PSD2: variants seen among roughly 807,000 people sequenced by gnomAD.
PSD2 encodes PH and SEC7 domain-containing protein 2.
A neutral mutation model predicts 69.8 loss-of-function variants in PSD2; 38 were observed. The observed-to-expected ratio is 0.54, with a 90% CI of 0.42 to 0.71. PSD2 has a LOEUF of 0.71. PSD2 is among the 30% of genes least tolerant of loss of function. The pLI, the probability that PSD2 is intolerant of heterozygous loss-of-function variation, is 0.00. For synonymous variants in PSD2, 412 were observed against 423.0 expected (o/e 0.97, Z 0.32); for missense variants, 943 against 1,014.5 (o/e 0.93, Z 0.96).
At chr5:139,781,337 T>TC in the PSD2 span, among the ~76,000 whole-genome samples, 2 of 151,134 alleles carry the variant, frequency 1.3e-5, no homozygotes, top group Admixed American at 6.6e-5. Flanking sequence ...CATATCTCTC[T>TC]CTTTTTTTTT....
the PSD2 span, among the ~76,000 whole-genome samples, chr5:139,752,771 C>A: frequency 6.6e-6 from 1 of 152,346 alleles, no homozygotes; most frequent in African/African-American, 2.4e-5. Flanking sequence ...CCCCCAGCCC[C>A]CCTCAGAGAG....
At chr5:139,825,283 CA>C (rs1760387899) in intron 7 of PSD2, among the ~76,000 whole-genome samples, 1 of 152,222 alleles carries the variant, frequency 6.6e-6, no homozygotes, top group Admixed American at 6.5e-5. Flanking sequence ...GATCTAGGAC[CA>C]CGCATTTCAG....
At chr5:139,802,486 G>T (rs1017513050) in intron 1 of PSD2, among the ~76,000 whole-genome samples, 4 of 151,426 alleles carry the variant, frequency 2.6e-5, no homozygotes, top group African/African-American at 9.7e-5. Context: ...CAACCCACAG[G>T]CTCATGTTAG....
intron 1 of PSD2, among the ~76,000 whole-genome samples, chr5:139,798,788 A>G (rs980821972): frequency 6.6e-6 from 1 of 152,228 alleles, no homozygotes; most frequent in African/African-American, 2.4e-5. Flanking sequence ...CATTGTTATC[A>G]TACCCAAGAA....
chr5:139,783,880 C>T, the PSD2 span, among the ~76,000 whole-genome samples: 2 of 150,476 alleles, frequency 1.3e-5, no homozygotes, highest in African/African-American at 4.9e-5. Context: ...CCTCTCTGCA[C>T]AGATGCTTTT....
At chr5:139,756,210 G>A in the PSD2 span, among the ~76,000 whole-genome samples, 1 of 152,158 alleles carries the variant, frequency 6.6e-6, no homozygotes, top group African/African-American at 2.4e-5. Context: ...CATTAACAAC[G>A]GCTCGGACTG....
Position 139,837,411 on chromosome 5 carries a change from C to T in PSD2, c.1665+173C>T, listed in dbSNP as rs558670414. On this transcript the variant is annotated intron_variant, in intron 11 of 14. Coordinates refer to ENST00000274710, the MANE Select transcript of PSD2 (RefSeq NM_032289.4). This position sits in a 1 kb window ranked among gnomAD's most constrained non-coding sequence, Gnocchi z 5.0. The stretch of plus-strand genomic sequence containing the variant: ...TGGAGGTTTTTGGGAGAACTTGGTG[C>T]CCAGTGGCTCAGTGGACTCTCAGCA... Among the ~76,000 whole-genome samples the T allele has an allele frequency of 9.4e-4, 143 of 152,248 alleles. No homozygotes were observed. The highest frequency in any genetic ancestry group is 6.8e-3 in the Middle Eastern group (2 of 294).
At chr5:139,750,146 A>C in the PSD2 span, among the ~76,000 whole-genome samples, 2 of 152,146 alleles carry the variant, frequency 1.3e-5, no homozygotes, top group African/African-American at 2.4e-5. Context: ...TAACACGGTG[A>C]AACCCCGTCT....
In PSD2 at chr5:139,837,589, T is replaced by A. The variant is rs759120916; in HGVS notation, c.1666-36T>A. On this transcript the variant is annotated intron_variant, in intron 11 of 14. Coordinates refer to ENST00000274710, the MANE Select transcript of PSD2 (RefSeq NM_032289.4). This position sits in a 1 kb window ranked among gnomAD's most constrained non-coding sequence, Gnocchi z 5.0. ...GGGAGGGGAGAGTGGAAGGTGTGGG[T>A]CAGTGACCCTAGCTCGCCCATCCTG... The A allele has an allele frequency of 7.7e-6, 12 of 1,565,128 alleles. No individual in the cohort carries two copies. In the East Asian group the frequency reaches 1.6e-4, roughly 21 times the overall value.
At chr5:139,779,964 T>C in the PSD2 span, among the ~76,000 whole-genome samples, 425 of 152,354 alleles carry the variant, frequency 2.8e-3, 4 homozygotes, top group African/African-American at 9.9e-3. Flanking sequence ...TTTGGAACCA[T>C]TGTAAACAAA....
chr5:139,834,994 T>C (rs1760681982), intron 8 of PSD2, among the ~76,000 whole-genome samples: 1 of 148,900 alleles, frequency 6.7e-6, no homozygotes, highest in African/African-American at 2.5e-5. Context: ...TAGCAACCAC[T>C]CACCCATTCA....
At chr5:139,800,697 C>T (rs946196625) in intron 1 of PSD2, among the ~76,000 whole-genome samples, 13 of 152,168 alleles carry the variant, frequency 8.5e-5, no homozygotes, top group Admixed American at 6.5e-5. Context: ...CACTGTCTGC[C>T]AGCGTCTGCA....
the PSD2 span, among the ~76,000 whole-genome samples, chr5:139,750,576 G>T: frequency 6.6e-6 from 1 of 152,198 alleles, no homozygotes; most frequent in Non-Finnish European, 1.5e-5. Flanking sequence ...TGTGGGGCCT[G>T]CAGAAAAGGC....
At chr5:139,809,924 G>A in intron 2 of PSD2, 113 bp downstream of exon 2, 1 of 1,184,454 alleles carries the variant, frequency 8.4e-7, no homozygotes, top group South Asian at 1.4e-5. Context: ...ACATAAAATG[G>A]GGATTTCATA....
chr5:139,750,757 T>C, the PSD2 span, among the ~76,000 whole-genome samples: 2 of 152,078 alleles, frequency 1.3e-5, no homozygotes, highest in African/African-American at 4.8e-5. Context: ...GAGGAACCCT[T>C]GTGGGGCCTG....
the PSD2 span, among the ~76,000 whole-genome samples, chr5:139,743,032 G>C: frequency 1.3e-5 from 2 of 152,214 alleles, no homozygotes; most frequent in Admixed American, 1.3e-4. Flanking sequence ...TCAGAACACT[G>C]TCAGATTATT....
intron 4 of PSD2, among the ~76,000 whole-genome samples, chr5:139,816,237 C>T (rs1760120417): frequency 6.6e-6 from 1 of 152,004 alleles, no homozygotes; most frequent in Non-Finnish European, 1.5e-5. Flanking sequence ...TCTTTTTTTA[C>T]ATAATCATGA....
chr5:139,768,144 G>A, the PSD2 span, among the ~76,000 whole-genome samples: 114 of 152,336 alleles, frequency 7.5e-4, no homozygotes, highest in South Asian at 1.9e-3. Context: ...GCCTTGCCCC[G>A]GAACCTGGAA....
rs181792191 is a variant in PSD2, at chr5:139,833,048, T to C, written c.1270-654T>C. Among the ~76,000 whole-genome samples the C allele has an allele frequency of 2.4e-3, 371 of 152,182 alleles. 3 individuals carry two copies. Among genetic ancestry groups the C allele is most frequent in the Admixed American group, 3.9e-3 (60 of 15,292 alleles). ...CATGGCAATTGATTTTTGACTCCCA[T>C]AAACTTTCCCTCACTTCACCTATGT... On this transcript the variant is annotated intron_variant, in intron 7 of 14. Coordinates refer to ENST00000274710, the MANE Select transcript of PSD2 (RefSeq NM_032289.4).
Sources: allele counts gnomAD v4.1 joint callset (sites outside exome capture counted in the v4.1 genomes callset), GRCh38; gene constraint gnomAD v4.1.1; non-coding constraint Gnocchi (gnomAD v3.1); transcripts MANE v1.5; gene names NCBI Gene and HGNC (gene_info 2026-07-23, HGNC 2026-07-21).